The following IGFN1 variants were observed in gnomAD, a reference collection of about 807,000 sequenced individuals.
The protein encoded by IGFN1 is immunoglobulin like and fibronectin type III domain containing 1.
In IGFN1, 253 loss-of-function variants were observed where a neutral mutation model predicts 289.5. The observed-to-expected ratio is 0.87, with a 90% CI of 0.79 to 0.97. IGFN1 has a LOEUF of 0.97. Ranked by LOEUF, IGFN1 falls within the 50% of genes least tolerant of loss-of-function variation. The pLI, the probability that IGFN1 is intolerant of heterozygous loss-of-function variation, is 0.00. For synonymous variants in IGFN1, 1,706 were observed against 1,788.5 expected (o/e 0.95, Z 1.16); for missense variants, 4,470 against 4,686.1 (o/e 0.95, Z 1.35).
intron 4 of IGFN1, among the ~76,000 whole-genome samples, chr1:201,196,752 A>ATGTAT (rs1666938425): frequency 6.6e-6 from 1 of 152,218 alleles, no homozygotes; most frequent in Non-Finnish European, 1.5e-5. Context: ...TATAAATACT[A>ATGTAT]ACCATGGGAT....
At chr1:201,221,780 C>A in intron 19 of IGFN1, 34 bp downstream of exon 19, 1 of 1,529,168 alleles carries the variant, frequency 6.5e-7, no homozygotes. Flanking sequence ...CCCCTGAGCC[C>A]TGCAGGCCTC....
At chr1:201,221,877 C>T (rs1013792681) in intron 19 of IGFN1, 131 bp downstream of exon 19, 2 of 739,106 alleles carry the variant, frequency 2.7e-6, no homozygotes, top group African/African-American at 3.6e-5. Context: ...ATTTATTGAG[C>T]ACCTACTAGG....
Position 201,206,279 on chromosome 1 carries a change from G to A in IGFN1, c.1386G>A (p.Arg462=). ...SGLQHIASPD[R]DGLGRHGYSL... The stretch of plus-strand genomic sequence containing the variant: ...TCCAGCACATAGCCAGCCCAGACAG[G>A]GATGGCCTTGGCAGACATGGCTACT... The change falls in exon 12 of 24, where the codon AGG becomes AGA. Residue 462 remains arginine, a synonymous_variant. Coordinates refer to ENST00000335211, the MANE Select transcript of IGFN1 (RefSeq NM_001164586.2). 1.3e-6 allele frequency: 2 copies of A among 1,549,388 alleles called. No homozygotes were observed. Among genetic ancestry groups the A allele is most frequent in the Non-Finnish European group, 1.7e-6 (2 of 1,146,270 alleles).
Position 201,205,919 on chromosome 1 carries a change from T to C in IGFN1, c.1190-164T>C, listed in dbSNP as rs549976610. Among the ~76,000 whole-genome samples, 99 of 152,322 alleles carry C rather than the reference T, an allele frequency of 6.5e-4. 1 individual carries two copies. The highest frequency in any genetic ancestry group is 1.2e-3 in the South Asian group (6 of 4,828). ...CCATCCATCCCTGGAACACCCTGGCTTCCTTCCCAGGTGGTCACCTTGCTT... is the reference window on the plus strand; with the variant it reads ...CCATCCATCCCTGGAACACCCTGGCCTCCTTCCCAGGTGGTCACCTTGCTT... On this transcript the variant is annotated intron_variant, in intron 11 of 23. Transcript: ENST00000335211.
rs1308223467 is a variant in IGFN1 at position 201,207,029 on chromosome 1, G to A, written c.2136G>A (p.Trp712Ter). Residue 712 changes from tryptophan to a stop codon, truncating the protein, a stop_gained, in exon 12 of 24, where the codon TGG (tryptophan) becomes TGA (stop). Transcript: ENST00000335211. LOFTEE classifies it high-confidence loss of function. Reference protein sequence around the residue: ...DADYGEARGYWGSGELLEQIP... With the variant: ...DADYGEARGY ...ACTATGGGGAAGCCAGGGGCTACTG[G>A]GGGTCAGGAGAGTTGCTAGAACAGA... 6.5e-7 allele frequency: 1 copy of A among 1,536,700 alleles called. No homozygotes were observed. Among genetic ancestry groups the A allele is most frequent in the Non-Finnish European group, 8.7e-7 (1 of 1,146,806 alleles).
intron 10 of IGFN1, among the ~76,000 whole-genome samples, chr1:201,204,570 A>C (rs1435580501): frequency 6.6e-6 from 1 of 152,246 alleles, no homozygotes; most frequent in East Asian, 1.9e-4. Flanking sequence ...GGAGGTGCCC[A>C]GATGGGGCTT....
intron 9 of IGFN1, among the ~76,000 whole-genome samples, chr1:201,202,751 C>CCCTCCCTTCCTT (rs1193705003): frequency 2.6e-5 from 1 of 38,972 alleles, no homozygotes; most frequent in African/African-American, 1.3e-4. Context: ...CTCCCTCCCT[C>CCCTCCCTTCCTT]CCTTCCTTCC....
At chr1:201,227,303 T>C in intron 23 of IGFN1, 95 bp downstream of exon 23, 1 of 973,018 alleles carries the variant, frequency 1.0e-6, no homozygotes, top group Non-Finnish European at 1.5e-6. Context: ...CTAGAGGGAT[T>C]CAGCCGGGAG....
chr1:201,213,277 A>G lies in IGFN1; in HGVS notation c.8384A>G (p.Lys2795Arg). 1 of 1,556,220 alleles carries G rather than the reference A, an allele frequency of 6.4e-7. No individual in the cohort carries two copies. The highest frequency in any genetic ancestry group is 8.7e-7 in the Non-Finnish European group (1 of 1,149,454). ...GAGGTCCAGGGTCCTGGGGCCCTAA[A>G]GGAGGATGAAGGGCAGGGAGTGGAA... is the stretch of plus-strand genomic sequence containing the variant. ...NGEVQGPGAL[K>R]EDEGQGVEEA... Residue 2795 changes from lysine (K) to arginine (R), a missense_variant, in exon 12 of 24, where the codon AAG becomes AGG. This residue lies in a region of IGFN1 where 2,218 missense variants were observed against 2,114.1 expected (regional missense o/e 1.05). Coordinates refer to ENST00000335211, the MANE Select transcript of IGFN1 (RefSeq NM_001164586.2).
At position 201,216,793 on chromosome 1, in the gene IGFN1, T is replaced by C. The variant is rs1337582059; in HGVS notation, c.9595+40T>C. 2.0e-6 allele frequency: 3 copies of C among 1,516,430 alleles called. No individual in the cohort carries two copies. The Admixed American group carries it at 5.3e-5, about 27-fold the overall frequency. The allele number at this position is 1,516,430 out of a possible 1,614,324, so 93.9% of individuals were successfully genotyped here. On this transcript the variant is annotated intron_variant, in intron 16 of 23. Coordinates refer to ENST00000335211, the MANE Select transcript of IGFN1 (RefSeq NM_001164586.2). ...TGGGGCTGGGGGTGGGGGACACTCCTGGGCTCCCCACTGTGCCGAGGAGGG... is the reference window on the plus strand; with the variant it reads ...TGGGGCTGGGGGTGGGGGACACTCCCGGGCTCCCCACTGTGCCGAGGAGGG...
rs1164419466 is a variant in IGFN1 at position 201,214,177 on chromosome 1, G to T, written c.8729G>T (p.Gly2910Val). ...GGGGATTCCCTCTGTGTCTCTCCAG[G>T]CCCCATGGGCCACTTCTCCCAGGGC... ...GTGSFSKDAQGPMGHFSQGLA... is the reference protein window; with the variant it reads ...GTGSFSKDAQVPMGHFSQGLA... The change falls in exon 13 of 24, where the codon GGC becomes GTC. Residue 2910 changes from glycine to valine, a missense_variant and splice_region_variant. Around this residue, in one of 8 missense-constraint regions of IGFN1, gnomAD observed 2,218 missense variants for 2,114.1 expected, o/e 1.05. Transcript: ENST00000335211. 3 of 1,611,070 alleles carry T rather than the reference G, an allele frequency of 1.9e-6. No homozygotes were observed. Among genetic ancestry groups the T allele is most frequent in the Admixed American group, 1.7e-5 (1 of 59,832 alleles).
intron 20 of IGFN1, among the ~76,000 whole-genome samples, chr1:201,224,229 C>A (rs1653935227): frequency 6.6e-6 from 1 of 152,196 alleles, no homozygotes; most frequent in East Asian, 1.9e-4. Context: ...GCCAAATTAT[C>A]TCCTACATGG....
Position 201,207,599 on chromosome 1 carries a change from G to A in IGFN1, c.2706G>A (p.Gly902=), listed in dbSNP as rs1667489473. The change falls in exon 12 of 24, where the codon GGG becomes GGA. Residue 902 remains glycine, a synonymous_variant. Transcript: ENST00000335211. ...CAGGCCTGGGTGCTCAGGGATCTGG[G>A]GGGACACTAGGAGATAAGAAAGGAT... ...RAPGLGAQGS[G]GTLGDKKGLR... The A allele has an allele frequency of 4.6e-6, 7 of 1,537,022 alleles. No individual in the cohort carries two copies. The highest frequency in any genetic ancestry group is 2.4e-5 in the East Asian group (1 of 40,922).
At chr1:201,205,608 G>A (rs1667378749) in intron 11 of IGFN1, among the ~76,000 whole-genome samples, 1 of 152,200 alleles carries the variant, frequency 6.6e-6, no homozygotes, top group African/African-American at 2.4e-5. Context: ...CCTTGGGACA[G>A]TGGCCCAGGT....
At chr1:201,197,753 G>A (rs1666981563) in intron 5 of IGFN1, among the ~76,000 whole-genome samples, 2 of 152,162 alleles carry the variant, frequency 1.3e-5, no homozygotes, top group African/African-American at 4.8e-5. Flanking sequence ...GGTGTGCGTG[G>A]TGTTTGAAAT....
intron 7 of IGFN1, 116 bp from the exon 8 acceptor site, chr1:201,200,121 G>T: frequency 2.5e-6 from 2 of 788,958 alleles, no homozygotes; most frequent in South Asian, 3.7e-5. Flanking sequence ...CAGGCTCTGC[G>T]TTTCCTCGAG....
At position 201,207,835 on chromosome 1, in the gene IGFN1, G is replaced by A; in HGVS notation, c.2942G>A (p.Gly981Glu). ...AGYSYGSGVP[G>E]EMGSGHGAGC... is the part of the protein sequence containing the mutation. Reference sequence around the variant, plus strand: ...TATAGCTATGGCTCAGGGGTTCCAGGAGAAATGGGGTCCGGCCATGGTGCT... The same window carrying A: ...TATAGCTATGGCTCAGGGGTTCCAGAAGAAATGGGGTCCGGCCATGGTGCT... Residue 981 changes from glycine to glutamate, a missense_variant, in exon 12 of 24, where the codon GGA becomes GAA. This residue lies in a region of IGFN1 where 2,011 missense variants were observed against 1,953.4 expected (regional missense o/e 1.03). Transcript: ENST00000335211. The A allele has an allele frequency of 6.5e-7, 1 of 1,535,928 alleles. No individual in the cohort carries two copies. The highest frequency in any genetic ancestry group is 8.7e-7 in the Non-Finnish European group (1 of 1,146,196).
chr1:201,192,070 C>T (rs1666684302), intron 1 of IGFN1, among the ~76,000 whole-genome samples: 1 of 152,168 alleles, frequency 6.6e-6, no homozygotes, highest in Non-Finnish European at 1.5e-5. Flanking sequence ...TCCCTCCCAC[C>T]CTTCCTCGTG....
Position 201,202,746 on chromosome 1 carries a change from TCCCTC to T in IGFN1, c.747+917_747+921del, listed in dbSNP as rs1337733943. On this transcript the variant is annotated intron_variant, in intron 9 of 23. Coordinates refer to ENST00000335211, the MANE Select transcript of IGFN1 (RefSeq NM_001164586.2). ...CTCCCTCCCTCCCTCCCTCCCTCCC[TCCCTC>T]CCTTCCTTCCTTCCTTCCTTCCTTC... is the stretch of plus-strand genomic sequence containing the variant. 7.2e-3 allele frequency among the ~76,000 whole-genome samples: 476 copies of T among 66,254 alleles called. 1 individual carries two copies. The highest frequency in any genetic ancestry group is 0.012 in the Middle Eastern group (1 of 84). The allele number at this position is 66,254 out of a possible 152,430, so 43.5% of individuals were successfully genotyped here.
Sources: gnomAD v4.1 joint callset for allele counts (sites outside exome capture counted in the v4.1 genomes callset) on GRCh38, gnomAD v4.1.1 for gene constraint, gnomAD v4.1.1 regional missense constraint, MANE v1.5 for transcripts, NCBI Gene and HGNC (gene_info 2026-07-23, HGNC 2026-07-21) for gene names.